The following ZFAND3 variants were observed in gnomAD, a reference collection of about 807,000 sequenced individuals.
The protein encoded by ZFAND3 is AN1-type zinc finger protein 3.
Under a neutral mutation model 29.6 loss-of-function variants are expected in ZFAND3, and 10 were observed. The ratio of observed to expected loss-of-function variants is 0.34; its 90% CI spans 0.21 to 0.57. The LOEUF is 0.57. Among genes scored for constraint, ZFAND3 ranks in the 20% least tolerant of loss-of-function variants. The probability of loss-of-function intolerance (pLI) is 0.86; values close to 1 mark genes in which losing one functional copy is unlikely to be tolerated. For missense variants in ZFAND3, 230 were observed against 304.5 expected, an observed-to-expected ratio of 0.76 and a Z score of 1.82; for synonymous variants, 128 against 112.6, an observed-to-expected ratio of 1.14 and a Z score of -0.87.
intron 1 of ZFAND3, among the ~76,000 whole-genome samples, chr6:37,843,591 G>A (rs1764120035): frequency 6.6e-6 from 1 of 152,110 alleles, no homozygotes; most frequent in African/African-American, 2.4e-5. Flanking sequence ...AGAGCTAATA[G>A]GAGAATTTTG....
intron 2 of ZFAND3, among the ~76,000 whole-genome samples, chr6:37,936,490 G>A (rs1163901676): frequency 6.6e-6 from 1 of 152,176 alleles, no homozygotes; most frequent in African/African-American, 2.4e-5. Flanking sequence ...CACTTGGTCG[G>A]TGGACTTTTA....
intron 2 of ZFAND3, among the ~76,000 whole-genome samples, chr6:38,001,339 C>T (rs1332572633): frequency 6.6e-6 from 1 of 152,154 alleles, no homozygotes; most frequent in Non-Finnish European, 1.5e-5. Context: ...AGTGTTTGAC[C>T]TTCTGGAAGG....
At chr6:38,053,616 T>C (rs1324904266) in intron 2 of ZFAND3, among the ~76,000 whole-genome samples, 5 of 152,090 alleles carry the variant, frequency 3.3e-5, no homozygotes, top group Non-Finnish European at 2.9e-5. Flanking sequence ...CCGAAGAGGC[T>C]TGAACTCAGG....
At chr6:38,089,777 A>G (rs1035141997) in intron 4 of ZFAND3, among the ~76,000 whole-genome samples, 13 of 152,228 alleles carry the variant, frequency 8.5e-5, no homozygotes, top group Non-Finnish European at 1.2e-4. Context: ...GTCAGTGGCT[A>G]TGAACTGTAT....
intron 2 of ZFAND3, among the ~76,000 whole-genome samples, chr6:38,011,455 C>T (rs1350088185): frequency 1.3e-5 from 2 of 152,142 alleles, no homozygotes; most frequent in South Asian, 4.1e-4. Flanking sequence ...TGCTCCATAT[C>T]CTTGCCAACA....
intron 2 of ZFAND3, among the ~76,000 whole-genome samples, chr6:37,942,556 A>T (rs1310956780): frequency 6.6e-6 from 1 of 152,128 alleles, no homozygotes; most frequent in Non-Finnish European, 1.5e-5. Context: ...CAAGTTTTCA[A>T]TTTAGTGGTG....
At chr6:37,971,667 T>C (rs1762389154) in intron 2 of ZFAND3, among the ~76,000 whole-genome samples, 1 of 152,128 alleles carries the variant, frequency 6.6e-6, no homozygotes, top group Admixed American at 6.5e-5. Flanking sequence ...TCAGATTCTT[T>C]CCATTGATAT....
intron 2 of ZFAND3, among the ~76,000 whole-genome samples, chr6:37,949,509 G>A (rs1467209916): frequency 6.6e-6 from 1 of 152,120 alleles, no homozygotes; most frequent in Non-Finnish European, 1.5e-5. Context: ...TGTAGTGCCA[G>A]ATCCCACAGG....
At chr6:38,046,080 G>C (rs1468007987) in intron 2 of ZFAND3, among the ~76,000 whole-genome samples, 1 of 152,206 alleles carries the variant, frequency 6.6e-6, no homozygotes, top group Admixed American at 6.5e-5. Context: ...TACCGGTGAT[G>C]ATGACTGAAC....
chr6:37,997,316 A>G (rs1762868061), intron 2 of ZFAND3, among the ~76,000 whole-genome samples: 1 of 152,190 alleles, frequency 6.6e-6, no homozygotes, highest in Non-Finnish European at 1.5e-5. Context: ...TTTCAGGAGT[A>G]TGGCTGGTAT....
At chr6:37,882,511 A>G (rs1462283652) in intron 1 of ZFAND3, among the ~76,000 whole-genome samples, 1 of 152,172 alleles carries the variant, frequency 6.6e-6, no homozygotes, top group Non-Finnish European at 1.5e-5. Context: ...AGTCCCTGCT[A>G]CACACACTGC....
At chr6:37,831,053 C>CT (rs2127367932) in intron 1 of ZFAND3, among the ~76,000 whole-genome samples, 1 of 152,244 alleles carries the variant, frequency 6.6e-6, no homozygotes, top group Admixed American at 6.5e-5. Context: ...AACCAAGTGG[C>CT]TAGGCATGGG....
intron 1 of ZFAND3, among the ~76,000 whole-genome samples, chr6:37,873,325 T>C (rs1471790141): frequency 6.6e-6 from 1 of 152,216 alleles, no homozygotes; most frequent in African/African-American, 2.4e-5. Context: ...CAATTAATCA[T>C]TCTTTCTGTG....
intron 1 of ZFAND3, among the ~76,000 whole-genome samples, chr6:37,894,994 G>C (rs529223898): frequency 6.6e-6 from 1 of 152,062 alleles, no homozygotes; most frequent in East Asian, 1.9e-4. Context: ...AGTTTTCTTT[G>C]TATTTTTTGT....
At position 37,888,400 on chromosome 6, in the gene ZFAND3, A is replaced by T. The variant is rs184858699; in HGVS notation, c.72-41559A>T. ...TAAAGAGAATTAACATCTGAAATGT[A>T]GTTGCATAATTATGGCATTATCAAT... On this transcript the variant is annotated intron_variant, in intron 1 of 5. Transcript: ENST00000287218. Among the ~76,000 whole-genome samples the T allele has an allele frequency of 2.7e-5, 4 of 148,036 alleles. No homozygotes were observed. In the East Asian group the frequency reaches 7.7e-4, roughly 29 times the overall value.
intron 2 of ZFAND3, among the ~76,000 whole-genome samples, chr6:37,947,779 T>A (rs191412251): frequency 6.6e-6 from 1 of 152,332 alleles, no homozygotes; most frequent in East Asian, 1.9e-4. Context: ...TGCTTTCTTA[T>A]ACCACCCTCT....
intron 5 of ZFAND3, among the ~76,000 whole-genome samples, chr6:38,139,181 C>T (rs555431903): frequency 9.2e-5 from 14 of 152,234 alleles, no homozygotes; most frequent in South Asian, 2.1e-4. Flanking sequence ...TATTGGATTT[C>T]GCCCCTTGAA....
At position 37,993,975 on chromosome 6, in the gene ZFAND3, G is replaced by A. The variant is rs527997225; in HGVS notation, c.112+63976G>A. Among the ~76,000 whole-genome samples, 8 of 152,168 alleles carry A rather than the reference G, an allele frequency of 5.3e-5. No homozygotes were observed. In the East Asian group the frequency reaches 5.8e-4, roughly 11 times the overall value. ...TGAATGTTACCAGTAAAGATAAATC[G>A]TTATCGAACTACCATTCCAACAGAG... On this transcript the variant is annotated intron_variant, in intron 2 of 5. Transcript: ENST00000287218.
intron 1 of ZFAND3, among the ~76,000 whole-genome samples, chr6:37,850,297 T>C (rs550903264): frequency 6.6e-6 from 1 of 152,300 alleles, no homozygotes; most frequent in South Asian, 2.1e-4. Context: ...AGAATGGGAT[T>C]AATAGACCTT....
Sources: allele counts gnomAD v4.1 joint callset (sites outside exome capture counted in the v4.1 genomes callset), GRCh38; gene constraint gnomAD v4.1.1; transcripts MANE v1.5; gene names NCBI Gene and HGNC (gene_info 2026-07-23, HGNC 2026-07-21).